DSCAM: variants seen among roughly 807,000 people sequenced by gnomAD.
DSCAM encodes the protein DS cell adhesion molecule.
Under a neutral mutation model 217.7 loss-of-function variants are expected in DSCAM, and 47 were observed. That is an observed-to-expected ratio of 0.22 (90% CI 0.17 to 0.28). The LOEUF (loss-of-function observed/expected upper bound fraction) is 0.28, where lower values mean the gene tolerates loss of function less well. Ranked by LOEUF, DSCAM falls within the 10% of genes least tolerant of loss-of-function variation. The pLI, the probability that DSCAM is intolerant of heterozygous loss-of-function variation, is 1.00. For synonymous variants in DSCAM, 1,056 were observed against 1,015.3 expected (o/e 1.04, Z -0.76); for missense variants, 2,080 against 2,618.3 (o/e 0.79, Z 4.49).
chr21:40,544,655 C>T (rs1373315264), intron 3 of DSCAM, among the ~76,000 whole-genome samples: 1 of 152,214 alleles, frequency 6.6e-6, no homozygotes, highest in Non-Finnish European at 1.5e-5. Flanking sequence ...CTCGACCCTG[C>T]TGACACCTTG....
In DSCAM at chr21:40,055,581, A is replaced by G. The variant is rs564149353; in HGVS notation, c.5035+144T>C. On this transcript the variant is annotated intron_variant, in intron 29 of 32. Coordinates refer to ENST00000400454, the MANE Select transcript of DSCAM (RefSeq NM_001389.5). ...GCTGGTACTGATTCTTCTTCACAAG[A>G]ACAATTCTCTACCTTCTAGCTTTGG... The G allele has an allele frequency of 9.2e-4, 577 of 629,968 alleles. 2 individuals carry two copies. The highest frequency in any genetic ancestry group is 1.2e-3 in the Non-Finnish European group (439 of 351,618). 39.0% of individuals were successfully genotyped at this position (629,968 alleles called of 1,614,324 possible).
chr21:40,504,861 CTTT>C (rs3988423), intron 3 of DSCAM, among the ~76,000 whole-genome samples: 12,061 of 151,914 alleles, frequency 0.079, 634 homozygotes, highest in Middle Eastern at 0.15. Context: ...AGAAAAAAAT[CTTT>C]TTATTTGTAT....
rs146655760 is a variant in DSCAM, at chr21:40,693,114, G to A, written c.362-158C>T. The stretch of plus-strand genomic sequence containing the variant: ...ATGCCTACATTTCACGTCTTTCATC[G>A]CCTGACTTAAGAAAACATTCATTCC... On this transcript the variant is annotated intron_variant, in intron 2 of 32. Coordinates refer to ENST00000400454, the MANE Select transcript of DSCAM (RefSeq NM_001389.5). Among the ~76,000 whole-genome samples, 359 of 152,126 alleles carry A rather than the reference G, an allele frequency of 2.4e-3. 2 individuals are homozygous for A. Among genetic ancestry groups the A allele is most frequent in the African/African-American group, 8.1e-3 (334 of 41,468 alleles).
intron 32 of DSCAM, among the ~76,000 whole-genome samples, chr21:40,021,409 C>T (rs2088270267): frequency 6.6e-6 from 1 of 152,024 alleles, no homozygotes; most frequent in African/African-American, 2.4e-5. Flanking sequence ...TTGAACGGCC[C>T]TTGTGGAGCT....
chr21:40,128,147 G>A (rs574147710), intron 19 of DSCAM, among the ~76,000 whole-genome samples: 2 of 150,770 alleles, frequency 1.3e-5, no homozygotes, highest in South Asian at 2.1e-4. Flanking sequence ...ATCAACGTCT[G>A]TCTCCCCCAC....
At chr21:40,661,354 T>C (rs967207946) in intron 3 of DSCAM, among the ~76,000 whole-genome samples, 4 of 152,218 alleles carry the variant, frequency 2.6e-5, no homozygotes, top group African/African-American at 9.6e-5. Flanking sequence ...TCTGACTCTA[T>C]GTTGGGCTTA....
At chr21:40,029,152 A>AATTCTTTGATTACAGTACCC (rs71186911) in intron 32 of DSCAM, among the ~76,000 whole-genome samples, 150,191 of 152,266 alleles carry the variant, frequency 0.99, 74,080 homozygotes, top group Middle Eastern at 0.99. Flanking sequence ...GGTGGCTTCC[A>AATTCTTTGATTACAGTACCC]ATTCTTGGTT....
At chr21:40,500,280 A>G (rs889726877) in intron 3 of DSCAM, among the ~76,000 whole-genome samples, 18 of 152,340 alleles carry the variant, frequency 1.2e-4, no homozygotes, top group African/African-American at 4.1e-4. Flanking sequence ...CATATATTTC[A>G]TAAATACAGG....
chr21:40,548,293 G>A (rs969903489), intron 3 of DSCAM, among the ~76,000 whole-genome samples: 7 of 152,042 alleles, frequency 4.6e-5, no homozygotes, highest in South Asian at 4.2e-4. Context: ...TTTAATTACC[G>A]CCCTCCCCAT....
chr21:40,033,361 G>C (rs911451328), intron 32 of DSCAM, among the ~76,000 whole-genome samples: 1 of 152,214 alleles, frequency 6.6e-6, no homozygotes, highest in Non-Finnish European at 1.5e-5. Flanking sequence ...TGCATCACTC[G>C]GGAAGCACAG....
chr21:40,224,649 T>C (rs2091315757), intron 11 of DSCAM, among the ~76,000 whole-genome samples: 1 of 152,098 alleles, frequency 6.6e-6, no homozygotes, highest in Non-Finnish European at 1.5e-5. Flanking sequence ...TGAGCAAAAA[T>C]CAACAATTGG....
intron 3 of DSCAM, among the ~76,000 whole-genome samples, chr21:40,452,456 T>C (rs2075728246): frequency 6.6e-6 from 1 of 152,024 alleles, no homozygotes; most frequent in South Asian, 2.1e-4. Context: ...AAGAGTGATA[T>C]CGTATGCAAT....
At chr21:40,532,929 C>T (rs1456101272) in intron 3 of DSCAM, among the ~76,000 whole-genome samples, 4 of 149,820 alleles carry the variant, frequency 2.7e-5, no homozygotes, top group Non-Finnish European at 5.9e-5. Flanking sequence ...CGCGCATGTG[C>T]GCATATGTGC....
intron 4 of DSCAM, among the ~76,000 whole-genome samples, chr21:40,357,328 T>A (rs1057506259): frequency 7.2e-5 from 11 of 152,196 alleles, no homozygotes; most frequent in Non-Finnish European, 1.3e-4. Context: ...TAACCAATGA[T>A]GTCTCACTGA....
intron 9 of DSCAM, among the ~76,000 whole-genome samples, chr21:40,306,669 T>G (rs2123476923): frequency 6.6e-6 from 1 of 152,166 alleles, no homozygotes; most frequent in African/African-American, 2.4e-5. Context: ...TTGAATTTTG[T>G]CAAAGGCCTT....
intron 3 of DSCAM, among the ~76,000 whole-genome samples, chr21:40,429,316 G>T (rs552527587): frequency 6.6e-6 from 1 of 151,936 alleles, no homozygotes; most frequent in East Asian, 1.9e-4. Flanking sequence ...GCCCAGGCTG[G>T]AGTACAGTGG....
chr21:40,605,237 G>A (rs540447008), intron 3 of DSCAM, among the ~76,000 whole-genome samples: 18 of 152,234 alleles, frequency 1.2e-4, no homozygotes, highest in East Asian at 9.6e-4. Flanking sequence ...CACTGGCTCC[G>A]CAAGCTTCTG....
rs550374595 is a variant in DSCAM at position 40,747,780 on chromosome 21, T to C, written c.44-39009A>G. On this transcript the variant is annotated intron_variant, in intron 1 of 32. Transcript: ENST00000400454. ...AATACAACAACAAAAAAGGAAGCTATAGGCCAATATTCCTGATGAATACAG... is the reference window on the plus strand; with the variant it reads ...AATACAACAACAAAAAAGGAAGCTACAGGCCAATATTCCTGATGAATACAG... Among the ~76,000 whole-genome samples the C allele has an allele frequency of 3.3e-5, 5 of 151,786 alleles. No homozygotes were observed. In the East Asian group the frequency reaches 5.8e-4, roughly 18 times the overall value.
Position 40,745,260 on chromosome 21 carries a change from A to G in DSCAM, c.44-36489T>C, listed in dbSNP as rs191499774. ...TGTTTAAGGAAATAATCGCTAAGAT[A>G]TTCCTAAATCTGGAGAAAAAGGACA... On this transcript the variant is annotated intron_variant, in intron 1 of 32. Coordinates refer to ENST00000400454, the MANE Select transcript of DSCAM (RefSeq NM_001389.5). 9.0e-4 allele frequency among the ~76,000 whole-genome samples: 137 copies of G among 152,322 alleles called. 2 individuals are homozygous for G. The highest frequency in any genetic ancestry group is 3.4e-3 in the Middle Eastern group (1 of 294).
Sources: allele counts gnomAD v4.1 joint callset (sites outside exome capture counted in the v4.1 genomes callset), GRCh38; gene constraint gnomAD v4.1.1; transcripts MANE v1.5; gene names NCBI Gene and HGNC (gene_info 2026-07-23, HGNC 2026-07-21).